ATG7: variants seen among roughly 807,000 people sequenced by gnomAD.
The protein encoded by ATG7 is autophagy related 7, also known as ubiquitin-like modifier-activating enzyme ATG7.
In ATG7, 70 loss-of-function variants were observed where a neutral mutation model predicts 82.4. The observed-to-expected ratio is 0.85, with a 90% CI of 0.70 to 1.04. ATG7 has a LOEUF of 1.04. Among genes scored for constraint, ATG7 ranks in the 50% least tolerant of loss-of-function variants. The probability of loss-of-function intolerance (pLI) is 0.00; values close to 1 mark genes in which losing one functional copy is unlikely to be tolerated. For synonymous variants in ATG7, 287 were observed against 313.0 expected (o/e 0.92, Z 0.88); for missense variants, 792 against 864.3 (o/e 0.92, Z 1.05).
chr3:11,378,156 T>C (rs559001283), intron 18 of ATG7, among the ~76,000 whole-genome samples: 2 of 149,294 alleles, frequency 1.3e-5, no homozygotes, highest in East Asian at 2.1e-4. Flanking sequence ...TGGGATTACA[T>C]GGGTGCACCA....
intron 2 of ATG7, among the ~76,000 whole-genome samples, chr3:11,281,405 A>C (rs866286547): frequency 3.3e-5 from 5 of 152,366 alleles, no homozygotes; most frequent in Admixed American, 6.5e-5. Flanking sequence ...AGTGGACTAG[A>C]GTGGCCCATA....
intron 5 of ATG7, among the ~76,000 whole-genome samples, chr3:11,305,788 T>C (rs1481246559): frequency 2.6e-5 from 4 of 152,224 alleles, no homozygotes; most frequent in Non-Finnish European, 5.9e-5. Flanking sequence ...CAGAGCCATG[T>C]CATTCATTGC....
intron 19 of ATG7, among the ~76,000 whole-genome samples, chr3:11,382,315 G>A (rs2077968364): frequency 6.6e-6 from 1 of 152,216 alleles, no homozygotes; most frequent in African/African-American, 2.4e-5. Flanking sequence ...ACGCACGCAC[G>A]CGAGCGAGAG....
chr3:11,340,624 T>G (rs1360984544), intron 11 of ATG7, 21 bp from the exon 12 acceptor site: 10 of 1,599,778 alleles, frequency 6.3e-6, no homozygotes, highest in Admixed American at 5.0e-5. Flanking sequence ...TCATTAAACT[T>G]TGTGTTTTAT....
chr3:11,421,033 G>C (rs1394819149), intron 19 of ATG7, among the ~76,000 whole-genome samples: 1 of 152,140 alleles, frequency 6.6e-6, no homozygotes, highest in Non-Finnish European at 1.5e-5. Flanking sequence ...GGGATTACAG[G>C]CGTGAGCCAC....
At chr3:11,501,543 A>G (rs1324424249) in intron 20 of ATG7, among the ~76,000 whole-genome samples, 266 of 152,078 alleles carry the variant, frequency 1.7e-3, no homozygotes, top group African/African-American at 6.0e-3. Context: ...AGATAATGAT[A>G]TTAATAGATA....
At chr3:11,430,288 G>C (rs895514337) in intron 20 of ATG7, among the ~76,000 whole-genome samples, 5 of 152,056 alleles carry the variant, frequency 3.3e-5, no homozygotes, top group African/African-American at 1.2e-4. Flanking sequence ...TGAAAAATGT[G>C]TGTATGCGCA....
At chr3:11,504,730 T>C (rs2091584514) in intron 20 of ATG7, among the ~76,000 whole-genome samples, 2 of 152,222 alleles carry the variant, frequency 1.3e-5, no homozygotes. Flanking sequence ...GAAAAGACAG[T>C]TGTTAATTCC....
intron 3 of ATG7, among the ~76,000 whole-genome samples, chr3:11,292,993 A>G (rs1448636898): frequency 6.6e-6 from 1 of 152,202 alleles, no homozygotes; most frequent in South Asian, 2.1e-4. Flanking sequence ...GAGAGAGAGA[A>G]AAATTGAAGA....
chr3:11,476,121 C>G (rs776678584), intron 20 of ATG7, among the ~76,000 whole-genome samples: 2 of 152,220 alleles, frequency 1.3e-5, no homozygotes, highest in Admixed American at 6.5e-5. Context: ...GTCAGGTCCT[C>G]TCCTTTGTAC....
chr3:11,303,917 CAA>C (rs55893689), intron 5 of ATG7, among the ~76,000 whole-genome samples: 4,195 of 75,920 alleles, frequency 0.055, 93 homozygotes, highest in African/African-American at 0.078. Context: ...ACTAAAAATG[CAA>C]AAAAAAAAAA....
intron 3 of ATG7, among the ~76,000 whole-genome samples, chr3:11,286,583 C>CTTTTTTTTTTTTTTTTTTT (rs5846700): frequency 3.0e-5 from 2 of 66,954 alleles, no homozygotes; most frequent in Non-Finnish European, 4.9e-5. Context: ...TTCTTTCTTT[C>CTTTTTTTTTTTTTTTTTTT]TTTTTTTTTT....
At chr3:11,307,252 G>GA (rs1324420766) in intron 6 of ATG7, among the ~76,000 whole-genome samples, 192 bp downstream of exon 6, 18 of 152,338 alleles carry the variant, frequency 1.2e-4, no homozygotes, top group East Asian at 3.9e-4. Flanking sequence ...AGGAAGGTCA[G>GA]GGAGAGGACA....
intron 20 of ATG7, among the ~76,000 whole-genome samples, chr3:11,521,549 G>A (rs2092442196): frequency 1.5e-5 from 1 of 64,728 alleles, no homozygotes; most frequent in African/African-American, 6.4e-5. Flanking sequence ...CCCAGGAAGG[G>A]TTTTTTTGTT....
rs80191019 is a variant in ATG7, at chr3:11,512,417, G to A, written c.2080-42394G>A. On this transcript the variant is annotated intron_variant, in intron 20 of 20. Transcript: ENST00000693202. The stretch of plus-strand genomic sequence containing the variant: ...CAGGTCAGCAGTACATCCACTCTCT[G>A]AGCTTTGGTTCTGTCATTGCACAGG... Among the ~76,000 whole-genome samples, 50 of 152,332 alleles carry A rather than the reference G, an allele frequency of 3.3e-4. 1 individual carries two copies. The East Asian group carries it at 5.8e-3, about 18-fold the overall frequency.
At chr3:11,542,347 A>G (rs1014710336) in intron 20 of ATG7, among the ~76,000 whole-genome samples, 2 of 152,198 alleles carry the variant, frequency 1.3e-5, no homozygotes, top group Non-Finnish European at 2.9e-5. Context: ...TTTCCAGACT[A>G]ATAAGAGGGG....
intron 3 of ATG7, among the ~76,000 whole-genome samples, chr3:11,285,086 A>G (rs1391598996): frequency 7.0e-6 from 1 of 142,302 alleles, no homozygotes; most frequent in East Asian, 2.1e-4. Flanking sequence ...TCCTGACCTC[A>G]TGATTTGCCC....
chr3:11,301,429 AAAAT>A (rs1276812009), intron 5 of ATG7, among the ~76,000 whole-genome samples: 1 of 152,230 alleles, frequency 6.6e-6, no homozygotes, highest in East Asian at 1.9e-4. Flanking sequence ...TAGGATATTT[AAAAT>A]AAAGTGTCCC....
At chr3:11,318,993 T>A (rs1207417909) in intron 9 of ATG7, among the ~76,000 whole-genome samples, 3 of 152,210 alleles carry the variant, frequency 2.0e-5, no homozygotes, top group Non-Finnish European at 4.4e-5. Context: ...GCCTGCCCCA[T>A]ATCCCCAGCC....
Sources: gnomAD v4.1 joint callset for allele counts (sites outside exome capture counted in the v4.1 genomes callset) on GRCh38, gnomAD v4.1.1 for gene constraint, MANE v1.5 for transcripts, NCBI Gene and HGNC (gene_info 2026-07-23, HGNC 2026-07-21) for gene names.